The following OR6N1 variants were observed in gnomAD, a reference collection of about 807,000 sequenced individuals.
OR6N1 encodes the protein olfactory receptor 6N1.
For missense variants in OR6N1, 394 were observed against 371.7 expected (o/e 1.06, Z -0.49); for synonymous variants, 170 against 150.7 (o/e 1.13, Z -0.94).
At chr1:158,839,087 A>G in the OR6N1 span, among the ~76,000 whole-genome samples, 3 of 152,040 alleles carry the variant, frequency 2.0e-5, no homozygotes, top group South Asian at 6.2e-4. Context: ...TTCTTTAGAG[A>G]AAGTTTGTGG....
the OR6N1 span, among the ~76,000 whole-genome samples, chr1:158,837,413 G>A: frequency 3.4e-4 from 52 of 151,612 alleles, no homozygotes; most frequent in Non-Finnish European, 6.9e-4. Context: ...GTTTCTAATT[G>A]TCATATCTTC....
chr1:158,767,815 G>A (rs879796064), intron 1 of OR6N1, among the ~76,000 whole-genome samples: 2 of 152,098 alleles, frequency 1.3e-5, no homozygotes, highest in East Asian at 1.9e-4. Flanking sequence ...TATACGCATT[G>A]CCTTTAATGC....
At chr1:158,779,570 T>A in the OR6N1 span, among the ~76,000 whole-genome samples, 1 of 152,252 alleles carries the variant, frequency 6.6e-6, no homozygotes, top group Non-Finnish European at 1.5e-5. Flanking sequence ...TATTTTAGAA[T>A]ACTAAATTCA....
chr1:158,799,853 T>A, the OR6N1 span, among the ~76,000 whole-genome samples: 10 of 152,284 alleles, frequency 6.6e-5, no homozygotes, highest in South Asian at 2.1e-3. Context: ...CCATGTTGTC[T>A]ACAGATATGA....
In OR6N1 at chr1:158,765,731, T is replaced by C. The variant is rs901325487; in HGVS notation, c.*13A>G. On this transcript the variant is annotated 3_prime_UTR_variant, in exon 2 of 2. Transcript: ENST00000641846. The stretch of plus-strand genomic sequence containing the variant: ...ATCCTCAGGCCCGGCCTTGGCCTAC[T>C]CTCAGCCCCAACTCATGCCAATATC... 23 of 1,602,598 alleles carry C rather than the reference T, an allele frequency of 1.4e-5. No individual in the cohort carries two copies. Among genetic ancestry groups the C allele is most frequent in the Non-Finnish European group, 2.0e-5 (23 of 1,171,032 alleles).
the OR6N1 span, among the ~76,000 whole-genome samples, chr1:158,787,167 T>A: frequency 6.6e-6 from 1 of 151,946 alleles, no homozygotes; most frequent in Non-Finnish European, 1.5e-5. Flanking sequence ...TGCTTAAAAG[T>A]GTGTGGCATC....
chr1:158,764,922 T>C lies in OR6N1; in HGVS notation c.*822A>G, dbSNP rs540886092. 3 of 152,208 alleles carry C rather than the reference T, an allele frequency of 2.0e-5. No individual in the cohort carries two copies. The highest frequency in any genetic ancestry group is 2.0e-4 in the Admixed American group (3 of 15,284). 9.4% of individuals were successfully genotyped at this position (152,208 alleles called of 1,614,324 possible). A position where few individuals can be genotyped will look rare whatever the true frequency, so the allele number is the denominator to read the frequency against. ...ACTATACTTTTCAAGTATAGTATAC[T>C]TGTATACTATACAAGTATTCCTTCT... On this transcript the variant is annotated 3_prime_UTR_variant, in exon 2 of 2. Transcript: ENST00000641846.
At chr1:158,806,279 C>A in the OR6N1 span, among the ~76,000 whole-genome samples, 3 of 152,188 alleles carry the variant, frequency 2.0e-5, no homozygotes, top group African/African-American at 7.2e-5. Context: ...CAGTTTATGA[C>A]AAGATAAATT....
At chr1:158,781,494 C>T in the OR6N1 span, among the ~76,000 whole-genome samples, 4 of 152,186 alleles carry the variant, frequency 2.6e-5, no homozygotes, top group Non-Finnish European at 2.9e-5. Context: ...CCCTCATCAC[C>T]AGTGACTTCT....
At chr1:158,827,995 C>T in the OR6N1 span, among the ~76,000 whole-genome samples, 5 of 152,180 alleles carry the variant, frequency 3.3e-5, no homozygotes, top group African/African-American at 1.2e-4. Context: ...TGCAGGGCAA[C>T]TCCCATTTTT....
At chr1:158,781,493 C>G in the OR6N1 span, among the ~76,000 whole-genome samples, 1 of 152,204 alleles carries the variant, frequency 6.6e-6, no homozygotes, top group African/African-American at 2.4e-5. Context: ...TCCCTCATCA[C>G]CAGTGACTTC....
the OR6N1 span, among the ~76,000 whole-genome samples, chr1:158,805,535 T>C: frequency 2.0e-5 from 3 of 152,214 alleles, no homozygotes; most frequent in Non-Finnish European, 2.9e-5. Context: ...TGACCATTCA[T>C]AGGGTGTGTG....
the OR6N1 span, among the ~76,000 whole-genome samples, chr1:158,820,990 T>C: frequency 0.085 from 12,984 of 152,286 alleles, 653 homozygotes; most frequent in East Asian, 0.12. Context: ...TACAAGTTCC[T>C]GTCTACTTTT....
At chr1:158,772,924 G>T (rs1396398741), upstream of OR6N1, among the ~76,000 whole-genome samples, 1 of 152,000 alleles carries the variant, frequency 6.6e-6, no homozygotes, top group African/African-American at 2.4e-5. Context: ...ATTCTACTCT[G>T]CATACATGTA....
chr1:158,775,599 A>G (rs1657572004), upstream of OR6N1: 1 of 152,230 alleles, frequency 6.6e-6, no homozygotes, highest in African/African-American at 2.4e-5. Flanking sequence ...TGTGGAAAAT[A>G]TATTAGAATA....
At chr1:158,782,000 A>G in the OR6N1 span, among the ~76,000 whole-genome samples, 1 of 152,144 alleles carries the variant, frequency 6.6e-6, no homozygotes, top group Non-Finnish European at 1.5e-5. Context: ...AATCACTCTG[A>G]CCCCAGAGTC....
chr1:158,769,327 C>T (rs778609708), intron 1 of OR6N1, among the ~76,000 whole-genome samples: 5 of 152,024 alleles, frequency 3.3e-5, no homozygotes, highest in Non-Finnish European at 7.4e-5. Flanking sequence ...CCACGCCTGG[C>T]TAATTTTTGT....
chr1:158,805,396 A>T, the OR6N1 span, among the ~76,000 whole-genome samples: 1 of 152,198 alleles, frequency 6.6e-6, no homozygotes, highest in East Asian at 1.9e-4. Context: ...ACTACTTCTC[A>T]AACTTTTATT....
chr1:158,790,546 A>G, the OR6N1 span, among the ~76,000 whole-genome samples: 6 of 151,912 alleles, frequency 3.9e-5, no homozygotes, highest in African/African-American at 1.5e-4. Context: ...CTGGGACTAC[A>G]GGTGCTCGCC....
Sources: allele counts gnomAD v4.1 joint callset (sites outside exome capture counted in the v4.1 genomes callset), GRCh38; gene constraint gnomAD v4.1.1; transcripts MANE v1.5; gene names NCBI Gene and HGNC (gene_info 2026-07-23, HGNC 2026-07-21).